Variants in LRSAM1 observed in about 807,000 individuals in gnomAD.
The protein encoded by LRSAM1 is E3 ubiquitin-protein ligase LRSAM1.
A neutral mutation model predicts 118.1 loss-of-function variants in LRSAM1; 96 were observed. The observed-to-expected ratio is 0.81, with a 90% CI of 0.69 to 0.96. LRSAM1 has a LOEUF of 0.96. Ranked by LOEUF, LRSAM1 falls within the 40% of genes least tolerant of loss-of-function variation. The probability of loss-of-function intolerance (pLI) is 0.00; values close to 1 mark genes in which losing one functional copy is unlikely to be tolerated. For missense variants in LRSAM1, 804 were observed against 915.5 expected, an observed-to-expected ratio of 0.88 and a Z score of 1.57; for synonymous variants, 322 against 364.2, an observed-to-expected ratio of 0.88 and a Z score of 1.32.
chr9:127,479,849 G>A lies in LRSAM1; in HGVS notation c.914G>A (p.Arg305Gln), dbSNP rs201329646. 3.0e-5 allele frequency: 48 copies of A among 1,612,764 alleles called. No individual in the cohort carries two copies. Among genetic ancestry groups the A allele is most frequent in the Middle Eastern group, 1.7e-4 (1 of 6,048 alleles). Residue 305 changes from arginine to glutamine, a missense_variant, in exon 14 of 26, where the codon CGG (arginine) becomes CAG (glutamine). Physicochemically the swap from Arg to Gln is conservative, Grantham distance 43. Coordinates refer to ENST00000300417, the MANE Select transcript of LRSAM1 (RefSeq NM_001005373.4). The part of the protein sequence containing the change: ...ILQTVKEEQS[R>Q]LEQGLSEHQR... The stretch of plus-strand genomic sequence containing the variant: ...TACCTCCGGCTGCAGGAGCAGTCCC[G>A]GCTGGAGCAGGGCCTGAGTGAGCAC...
intron 3 of LRSAM1, 21 bp from the exon 4 acceptor site, chr9:127,454,977 A>T: frequency 6.2e-7 from 1 of 1,612,876 alleles, no homozygotes; most frequent in Non-Finnish European, 8.5e-7. Context: ...AATACTTTTT[A>T]AAAATTCTTT....
Position 127,479,516 on chromosome 9 carries a change from C to T in LRSAM1, c.903+11C>T, listed in dbSNP as rs368796469. ...CAGACGGTCAAGGAGGTTTGTGAGC[C>T]GCCTGCTAGGGTCCAGCCTGGCTGC... On this transcript the variant is annotated intron_variant, in intron 13 of 25. Transcript: ENST00000300417. 3.0e-5 allele frequency: 49 copies of T among 1,613,386 alleles called. No individual in the cohort carries two copies. Among genetic ancestry groups the T allele is most frequent in the Middle Eastern group, 3.4e-4 (2 of 5,876 alleles).
chr9:127,485,651 C>T (rs1234901933), intron 16 of LRSAM1, 85 bp from the exon 17 acceptor site: 2 of 1,246,402 alleles, frequency 1.6e-6, no homozygotes, highest in African/African-American at 1.5e-5. Flanking sequence ...TTCCTCAGTT[C>T]CTGTGGAAAT....
At chr9:127,491,079 G>C (rs1226847773) in intron 19 of LRSAM1, 136 bp from the exon 20 acceptor site, 2 of 769,620 alleles carry the variant, frequency 2.6e-6, no homozygotes, top group Non-Finnish European at 4.7e-6. Context: ...AGGCCCGCAG[G>C]TTCCCCTCAT....
Position 127,502,866 on chromosome 9 carries a change from C to T in LRSAM1, c.2139C>T (p.Ile713=), listed in dbSNP as rs373990000. The T allele has an allele frequency of 2.3e-4, 374 of 1,609,486 alleles. No individual in the cohort carries two copies. The highest frequency in any genetic ancestry group is 2.9e-4 in the Non-Finnish European group (347 of 1,178,554). The change falls in exon 26 of 26, where the codon ATC becomes ATT. Residue 713 remains isoleucine (I), a synonymous_variant. Transcript: ENST00000300417. ...LRTCPLCRQD[I]AQRLRIYHSS ...CCTGCCCGCTGTGCCGCCAGGACAT[C>T]GCCCAGCGCCTCCGCATCTACCACA...
intron 21 of LRSAM1, 109 bp from the exon 22 acceptor site, chr9:127,495,211 C>T: frequency 1.0e-6 from 1 of 1,000,378 alleles, no homozygotes; most frequent in South Asian, 1.4e-5. Flanking sequence ...CCTTGGCCCC[C>T]CAAAGTGCTG....
At chr9:127,500,061 T>C (rs545766750) in intron 24 of LRSAM1, among the ~76,000 whole-genome samples, 9 of 151,636 alleles carry the variant, frequency 5.9e-5, no homozygotes, top group African/African-American at 1.7e-4. Flanking sequence ...CGTTGCATGA[T>C]AGAAAAAGAG....
At position 127,472,699 on chromosome 9, in the gene LRSAM1, C is replaced by T. The variant is rs150531352; in HGVS notation, c.620-1102C>T. ...ACATTAAAGAAACCATAAAAGGTATCATATGATGTGATTCTATGCCTTGCT... is the reference window on the plus strand; with the variant it reads ...ACATTAAAGAAACCATAAAAGGTATTATATGATGTGATTCTATGCCTTGCT... On this transcript the variant is annotated intron_variant, in intron 10 of 25. Transcript: ENST00000300417. Among the ~76,000 whole-genome samples, 6 of 152,234 alleles carry T rather than the reference C, an allele frequency of 3.9e-5. No individual in the cohort carries two copies. The East Asian group carries it at 1.2e-3, about 29-fold the overall frequency.
intron 11 of LRSAM1, among the ~76,000 whole-genome samples, chr9:127,477,063 G>A (rs9644915): frequency 0.11 from 17,320 of 152,178 alleles, 1,469 homozygotes; most frequent in Admixed American, 0.28. Flanking sequence ...CTAACATTGG[G>A]TGAATTAGAG....
In LRSAM1 at chr9:127,487,863, T is replaced by G. The variant is rs571003158; in HGVS notation, c.1347+100T>G. The G allele has an allele frequency of 1.5e-4, 136 of 933,996 alleles. No individual in the cohort carries two copies. In the Middle Eastern group the frequency reaches 1.5e-3, roughly 11 times the overall value. The allele number at this position is 933,996 out of a possible 1,614,324, so 57.9% of individuals were successfully genotyped here. On this transcript the variant is annotated intron_variant, in intron 18 of 25. Coordinates refer to ENST00000300417, the MANE Select transcript of LRSAM1 (RefSeq NM_001005373.4). ...CACACGGAGCCCTTCCTAGACAGCA[T>G]GTGGGACCACAGAGGTTTGTGACCA...
chr9:127,488,964 C>A (rs1050645505), intron 18 of LRSAM1, among the ~76,000 whole-genome samples: 1 of 152,118 alleles, frequency 6.6e-6, no homozygotes, highest in Non-Finnish European at 1.5e-5. Flanking sequence ...CTGTCCTCTG[C>A]GTGTTTGTCA....
In LRSAM1 at chr9:127,482,961, A is replaced by G; in HGVS notation, c.1100A>G (p.Glu367Gly). 1 of 1,560,570 alleles carries G rather than the reference A, an allele frequency of 6.4e-7. No individual in the cohort carries two copies. Among genetic ancestry groups the G allele is most frequent in the Non-Finnish European group, 8.7e-7 (1 of 1,152,004 alleles). ...KSLENERIRMEQLMSITQEET... is the reference protein window; with the variant it reads ...KSLENERIRMGQLMSITQEET... ...GGATTTTTTTCTAGAATAAGAATGG[A>G]ACAGTTGATGTCCATAACCCAGGAG... Residue 367 changes from glutamate to glycine, a missense_variant, in exon 16 of 26, where the codon GAA becomes GGA. Coordinates refer to ENST00000300417, the MANE Select transcript of LRSAM1 (RefSeq NM_001005373.4).
At chr9:127,483,902 A>G (rs1835630264) in intron 16 of LRSAM1, among the ~76,000 whole-genome samples, 1 of 151,776 alleles carries the variant, frequency 6.6e-6, no homozygotes, top group South Asian at 2.1e-4. Context: ...ACCTCAAGTG[A>G]TCGCCTGCCT....
intron 1 of LRSAM1, 122 bp from the exon 2 acceptor site, chr9:127,451,807 C>A (rs1029314259): frequency 6.2e-6 from 1 of 160,020 alleles, no homozygotes; most frequent in African/African-American, 2.4e-5. Context: ...CTTTAGTTAT[C>A]AAAACAGTCT....
chr9:127,454,069 CCCG>C (rs1834422827), intron 2 of LRSAM1: 10 of 302,608 alleles, frequency 3.3e-5, no homozygotes, highest in Admixed American at 1.0e-4. Context: ...AGCCCCTGCC[CCCG>C]TGGAACTCAC....
chr9:127,457,327 C>T lies in LRSAM1; in HGVS notation c.186C>T (p.Val62=). 6.2e-7 allele frequency: 1 copy of T among 1,614,188 alleles called. No individual in the cohort carries two copies. Among genetic ancestry groups the T allele is most frequent in the Non-Finnish European group, 8.5e-7 (1 of 1,180,046 alleles). ...CKVLQKKVLI[V]HTNHLTSLLP... is the part of the protein sequence containing the mutation. ...ATCTCTCCACACAGGTGCTGATCGTCCACACGAATCACCTCACTTCCCTGC... is the reference window on the plus strand; with the variant it reads ...ATCTCTCCACACAGGTGCTGATCGTTCACACGAATCACCTCACTTCCCTGC... Residue 62 remains valine (V), a synonymous_variant, in exon 6 of 26, where the codon GTC becomes GTT. Transcript: ENST00000300417.
intron 24 of LRSAM1, among the ~76,000 whole-genome samples, chr9:127,499,608 G>A (rs1039117702): frequency 3.3e-5 from 5 of 152,016 alleles, no homozygotes; most frequent in African/African-American, 9.7e-5. Context: ...TAGCCTTAGA[G>A]GGTCTAGTGT....
chr9:127,481,100 A>G, intron 14 of LRSAM1, 83 bp from the exon 15 acceptor site: 1 of 1,500,168 alleles, frequency 6.7e-7, no homozygotes, highest in Non-Finnish European at 9.3e-7. Context: ...CCCATTTCCT[A>G]AGCCCCTCTG....
intron 7 of LRSAM1, among the ~76,000 whole-genome samples, chr9:127,460,716 A>C (rs990880330): frequency 2.6e-5 from 4 of 152,058 alleles, no homozygotes; most frequent in Non-Finnish European, 5.9e-5. Flanking sequence ...TGTCTTCCTC[A>C]AGGGCCGGTA....
Sources: allele counts gnomAD v4.1 joint callset (sites outside exome capture counted in the v4.1 genomes callset), GRCh38; gene constraint gnomAD v4.1.1; transcripts MANE v1.5; gene names NCBI Gene and HGNC (gene_info 2026-07-23, HGNC 2026-07-21).